Variants in COL6A3 observed in about 807,000 individuals in gnomAD.
The protein encoded by COL6A3 is collagen alpha-3(VI) chain.
COL6A3 carries 137 observed loss-of-function variants against 274.1 expected under a neutral mutation model. The ratio of observed to expected loss-of-function variants is 0.50; its 90% CI spans 0.44 to 0.58. The LOEUF is 0.58. Ranked by LOEUF, COL6A3 falls within the 20% of genes least tolerant of loss-of-function variation. COL6A3 has a pLI of 0.00. For missense variants in COL6A3, 3,950 were observed against 4,124.9 expected (o/e 0.96, Z 1.16); for synonymous variants, 1,650 against 1,650.6 (o/e 1.00, Z 0.01).
At chr2:237,355,956 G>A (rs1003678358) in intron 23 of COL6A3, among the ~76,000 whole-genome samples, 11 of 152,182 alleles carry the variant, frequency 7.2e-5, no homozygotes, top group Admixed American at 2.0e-4. Context: ...GCCAGAGGCC[G>A]CCTGCGGAGA....
At chr2:237,346,127 A>G (rs1390592802) in intron 32 of COL6A3, among the ~76,000 whole-genome samples, 2 of 152,204 alleles carry the variant, frequency 1.3e-5, no homozygotes, top group Non-Finnish European at 2.9e-5. Flanking sequence ...GACCACAGGA[A>G]GCATTGTCAA....
chr2:237,353,982 T>C (rs1268452211), intron 24 of COL6A3, among the ~76,000 whole-genome samples: 1 of 152,002 alleles, frequency 6.6e-6, no homozygotes, highest in Non-Finnish European at 1.5e-5. Context: ...TGCCTCCCAT[T>C]CTATTCTTAA....
intron 39 of COL6A3, 42 bp from the exon 40 acceptor site, chr2:237,336,574 A>T (rs1297200539): frequency 6.3e-7 from 1 of 1,599,932 alleles, no homozygotes; most frequent in Admixed American, 1.7e-5. Context: ...TTTACCTGCT[A>T]TCTAAAATAA....
At position 237,399,366 on chromosome 2, in the gene COL6A3, G is replaced by T. The variant is rs1372279909; in HGVS notation, c.-30-2519C>A. 2.0e-5 allele frequency among the ~76,000 whole-genome samples: 3 copies of T among 152,182 alleles called. No individual in the cohort carries two copies. In the East Asian group the frequency reaches 5.8e-4, roughly 29 times the overall value. On this transcript the variant is annotated intron_variant, in intron 1 of 43. Coordinates refer to ENST00000295550, the MANE Select transcript of COL6A3 (RefSeq NM_004369.4). Reference sequence around the variant, plus strand: ...TATAACACAGAACAATGATAGCCATGCCTCTCTTCCAGCCCTCTGTGAGGA... The same window carrying T: ...TATAACACAGAACAATGATAGCCATTCCTCTCTTCCAGCCCTCTGTGAGGA...
intron 27 of COL6A3, 29 bp downstream of exon 27, chr2:237,351,101 A>G: frequency 6.2e-7 from 1 of 1,612,342 alleles, no homozygotes; most frequent in East Asian, 2.2e-5. Context: ...CCCTGTCCTC[A>G]GGAAAGCTCT....
chr2:237,357,246 G>A (rs1008450501), intron 23 of COL6A3, 92 bp downstream of exon 23: 1 of 1,026,938 alleles, frequency 9.7e-7, no homozygotes, highest in Non-Finnish European at 1.6e-6. Flanking sequence ...TCACTGCAGA[G>A]CTGTGGACTA....
At chr2:237,360,341 G>T (rs902103457) in intron 16 of COL6A3, among the ~76,000 whole-genome samples, 182 bp from the exon 17 acceptor site, 6 of 152,188 alleles carry the variant, frequency 3.9e-5, no homozygotes, top group South Asian at 4.1e-4. Context: ...ATGAGGCCTG[G>T]CCTGGAACCT....
rs1323526496 is a variant in COL6A3, at chr2:237,407,567, G to A, written c.-31+6386C>T. 6.6e-6 allele frequency among the ~76,000 whole-genome samples: 1 copy of A among 152,216 alleles called. No homozygotes were observed. Among genetic ancestry groups the A allele is most frequent in the African/African-American group, 2.4e-5 (1 of 41,456 alleles). On this transcript the variant is annotated intron_variant, in intron 1 of 43. Transcript: ENST00000295550. The surrounding 1 kb of genome is among the most constrained non-coding windows in gnomAD (Gnocchi z 4.3). Reference sequence around the variant, plus strand: ...TATGCCGACCTGCAGCCAGGCTTAGGCCAAGCTCCTCAGAGGTGGGTCTCC... The same window carrying A: ...TATGCCGACCTGCAGCCAGGCTTAGACCAAGCTCCTCAGAGGTGGGTCTCC...
Position 237,334,902 on chromosome 2 carries a change from T to C in COL6A3, c.8966-13A>G, listed in dbSNP as rs969362852. ...CGGGACATCTTAACTGAAAGATAGA[T>C]CAGAGCGTGAAGATAAAAAATAAAA... is the stretch of plus-strand genomic sequence containing the variant. On this transcript the variant is annotated splice_polypyrimidine_tract_variant and intron_variant, in intron 40 of 43. Transcript: ENST00000295550. The C allele has an allele frequency of 2.5e-5, 40 of 1,613,908 alleles. No homozygotes were observed. The highest frequency in any genetic ancestry group is 1.1e-4 in the South Asian group (10 of 91,066).
At chr2:237,409,646 T>C (rs1056178554) in intron 1 of COL6A3, among the ~76,000 whole-genome samples, 1 of 152,186 alleles carries the variant, frequency 6.6e-6, no homozygotes, top group Non-Finnish European at 1.5e-5. Flanking sequence ...CAGTAATATA[T>C]ATTTGTATTA....
intron 1 of COL6A3, among the ~76,000 whole-genome samples, chr2:237,405,239 C>T (rs1053589789): frequency 1.6e-4 from 24 of 152,110 alleles, no homozygotes; most frequent in African/African-American, 5.8e-4. Flanking sequence ...TGCCATCATG[C>T]GGGAAGCAGG....
rs199869924 is a variant in COL6A3 at position 237,357,374 on chromosome 2, A to G, written c.6555T>C (p.Asp2185=). 5.9e-5 allele frequency: 95 copies of G among 1,613,840 alleles called. No homozygotes were observed. Among genetic ancestry groups the G allele is most frequent in the Middle Eastern group, 1.6e-4 (1 of 6,082 alleles). Residue 2185 remains aspartate (D), a synonymous_variant, in exon 23 of 44, where the codon GAT becomes GAC. Coordinates refer to ENST00000295550, the MANE Select transcript of COL6A3 (RefSeq NM_004369.4). ...DLGPMGVPGR[D]GVPGGPGETG... The stretch of plus-strand genomic sequence containing the variant: ...TTTCTCCAGGTCCTCCAGGTACTCC[A>G]TCTCTCCCTGGGACACCCTGGTGTG...
At chr2:237,360,419 G>C (rs893438561) in intron 16 of COL6A3, among the ~76,000 whole-genome samples, 1 of 152,130 alleles carries the variant, frequency 6.6e-6, no homozygotes, top group African/African-American at 2.4e-5. Flanking sequence ...TGTGGGGCAA[G>C]GGTGGGTGGC....
In COL6A3 at chr2:237,358,570, G is replaced by T. The variant is rs369169235; in HGVS notation, c.6422C>A (p.Pro2141His). The change falls in exon 21 of 44, where the codon CCT becomes CAT. Residue 2141 changes from proline to histidine, a missense_variant. Coordinates refer to ENST00000295550, the MANE Select transcript of COL6A3 (RefSeq NM_004369.4). The stretch of plus-strand genomic sequence containing the variant: ...TCCTCTTTCTCCTTTCTCTCCTCGA[G>T]GTCCTTTATCACCCTAAAGAAAAAG... ...GNPGRRGDKG[P>H]RGEKGERGDV... The T allele has an allele frequency of 1.3e-4, 203 of 1,613,614 alleles. No homozygotes were observed. Among genetic ancestry groups the T allele is most frequent in the Non-Finnish European group, 1.6e-4 (184 of 1,179,814 alleles).
rs1258519577 is a variant in COL6A3 at position 237,368,412 on chromosome 2, G to A, written c.4900+151C>T. On this transcript the variant is annotated intron_variant, in intron 10 of 43. Transcript: ENST00000295550. This position sits in a 1 kb window ranked among gnomAD's most constrained non-coding sequence, Gnocchi z 4.4. The stretch of plus-strand genomic sequence containing the variant: ...ATATGCTTCCTTCTGCAATTTCAAT[G>A]GAACTACTTTTCCAGTATTTAATTT... The A allele has an allele frequency of 4.9e-5, 48 of 976,462 alleles. No individual in the cohort carries two copies. The highest frequency in any genetic ancestry group is 6.7e-5 in the Non-Finnish European group (45 of 675,400). 60.5% of individuals were successfully genotyped at this position (976,462 alleles called of 1,614,324 possible).
chr2:237,343,531 A>C (rs1469948881), intron 36 of COL6A3: 14 of 10,736 alleles, frequency 1.3e-3, no homozygotes, highest in African/African-American at 0.012. Flanking sequence ...AAAAAAAAAA[A>C]AAAAAAAAAA....
chr2:237,412,301 G>T (rs752943415), intron 1 of COL6A3, among the ~76,000 whole-genome samples: 2 of 152,216 alleles, frequency 1.3e-5, no homozygotes, highest in African/African-American at 2.4e-5. Context: ...TCACGGAACC[G>T]ATGCCCCCGC....
At position 237,345,124 on chromosome 2, in the gene COL6A3, G is replaced by C. The variant is rs373736833; in HGVS notation, c.7126-30C>G. On this transcript the variant is annotated intron_variant, in intron 33 of 43. Coordinates refer to ENST00000295550, the MANE Select transcript of COL6A3 (RefSeq NM_004369.4). The stretch of plus-strand genomic sequence containing the variant: ...AAAAGAAAATAAAAGAATATGTAAA[G>C]AGAGCAAATCAAAGGCTCATGAGGT... 212 of 1,614,074 alleles carry C rather than the reference G, an allele frequency of 1.3e-4. 1 individual carries two copies. The African/African-American group carries it at 2.5e-3, about 19-fold the overall frequency.
chr2:237,379,494 T>C (rs979968004), intron 5 of COL6A3, among the ~76,000 whole-genome samples: 1 of 152,156 alleles, frequency 6.6e-6, no homozygotes, highest in African/African-American at 2.4e-5. Context: ...AGTTAGAATG[T>C]TTACAGACAA....
Sources: gnomAD v4.1 joint callset for allele counts (sites outside exome capture counted in the v4.1 genomes callset) on GRCh38, gnomAD v4.1.1 for gene constraint, Gnocchi (gnomAD v3.1) non-coding constraint, MANE v1.5 for transcripts, NCBI Gene and HGNC (gene_info 2026-07-23, HGNC 2026-07-21) for gene names.